Variants in TSC22D1 observed in about 807,000 individuals in gnomAD.
TSC22D1 encodes the protein TSC22 domain family protein 1.
Under a neutral mutation model 74.2 loss-of-function variants are expected in TSC22D1, and 9 were observed. The observed-to-expected ratio is 0.12, with a 90% CI of 0.07 to 0.21. The LOEUF (loss-of-function observed/expected upper bound fraction) is 0.21. Ranked by LOEUF, TSC22D1 falls within the 10% of genes least tolerant of loss-of-function variation. The probability of loss-of-function intolerance (pLI) is 1.00; values close to 1 mark genes in which losing one functional copy is unlikely to be tolerated. For missense variants in TSC22D1, 1,427 were observed against 1,304.7 expected (o/e 1.09, Z -1.44); for synonymous variants, 586 against 492.5 (o/e 1.19, Z -2.51).
At chr13:44,557,238 G>A (rs574610065) in intron 1 of TSC22D1, among the ~76,000 whole-genome samples, 2 of 152,206 alleles carry the variant, frequency 1.3e-5, no homozygotes, top group Admixed American at 6.5e-5. Context: ...CAAGGTGGGC[G>A]GATCACAAGG....
chr13:44,498,382 GA>G (rs1461511869), intron 1 of TSC22D1, among the ~76,000 whole-genome samples: 5 of 152,098 alleles, frequency 3.3e-5, no homozygotes, highest in African/African-American at 1.2e-4. Context: ...TTCTGCCTGG[GA>G]TACTCTTTCC....
At chr13:44,456,185 G>C (rs1233404702) in intron 1 of TSC22D1, among the ~76,000 whole-genome samples, 1 of 152,180 alleles carries the variant, frequency 6.6e-6, no homozygotes, top group Admixed American at 6.5e-5. Context: ...CCCAAAAAGT[G>C]AGCAGCAGCA....
intron 1 of TSC22D1, among the ~76,000 whole-genome samples, chr13:44,490,134 T>C (rs1475201950): frequency 6.6e-6 from 1 of 152,182 alleles, no homozygotes; most frequent in African/African-American, 2.4e-5. Flanking sequence ...CTTGTACAAA[T>C]AGTATATATC....
At chr13:44,572,372 C>A (rs944271120) in intron 1 of TSC22D1, among the ~76,000 whole-genome samples, 5 of 152,130 alleles carry the variant, frequency 3.3e-5, no homozygotes. Flanking sequence ...AAGAAAGGAA[C>A]AGGTGGAGTA....
intron 1 of TSC22D1, among the ~76,000 whole-genome samples, chr13:44,567,485 G>A (rs959361626): frequency 4.6e-5 from 7 of 150,772 alleles, no homozygotes; most frequent in Non-Finnish European, 1.0e-4. Context: ...AAAACCTAGA[G>A]GAAACACCAC....
chr13:44,468,386 A>T lies in TSC22D1; in HGVS notation c.2913-32291T>A, dbSNP rs193072661. Among the ~76,000 whole-genome samples, 286 of 134,694 alleles carry T rather than the reference A, an allele frequency of 2.1e-3. 7 individuals are homozygous for T. The highest frequency in any genetic ancestry group is 5.3e-3 in the African/African-American group (211 of 39,740). 88.4% of individuals were successfully genotyped at this position (134,694 alleles called of 152,430 possible). ...CCTAAAGCTATTGAATTTTTTTTTT[A>T]AAAAAGCTGCTACCATTTATTCAGC... On this transcript the variant is annotated intron_variant, in intron 1 of 2. Transcript: ENST00000458659.
chr13:44,565,385 G>A (rs1037347137), intron 1 of TSC22D1, among the ~76,000 whole-genome samples: 2 of 152,072 alleles, frequency 1.3e-5, no homozygotes, highest in African/African-American at 4.8e-5. Flanking sequence ...AGGTCAACTA[G>A]GCCTAATCGT....
chr13:44,554,327 T>C (rs1882480668), intron 1 of TSC22D1, among the ~76,000 whole-genome samples: 2 of 152,218 alleles, frequency 1.3e-5, no homozygotes, highest in Non-Finnish European at 2.9e-5. Flanking sequence ...CATTAAACTC[T>C]ACCTCATTAT....
intron 1 of TSC22D1, among the ~76,000 whole-genome samples, chr13:44,566,932 G>A (rs1566179604): frequency 6.6e-6 from 1 of 152,120 alleles, no homozygotes; most frequent in Non-Finnish European, 1.5e-5. Flanking sequence ...GATGTGGGGG[G>A]AGAAGGTGCT....
At chr13:44,523,194 T>C (rs1880396645) in intron 1 of TSC22D1, among the ~76,000 whole-genome samples, 1 of 152,198 alleles carries the variant, frequency 6.6e-6, no homozygotes, top group Non-Finnish European at 1.5e-5. Flanking sequence ...TATTCATTGC[T>C]GGTGGAAATG....
chr13:44,464,782 C>T (rs988774401), intron 1 of TSC22D1, among the ~76,000 whole-genome samples: 1 of 152,234 alleles, frequency 6.6e-6, no homozygotes, highest in Non-Finnish European at 1.5e-5. Flanking sequence ...CCCCTACCAG[C>T]TTTGTGCTCC....
At chr13:44,563,276 G>A (rs1399744257) in intron 1 of TSC22D1, among the ~76,000 whole-genome samples, 1 of 152,172 alleles carries the variant, frequency 6.6e-6, no homozygotes, top group African/African-American at 2.4e-5. Context: ...TGAGAGAGAA[G>A]ACAGGAAAGT....
chr13:44,540,945 T>C (rs1016804233), intron 1 of TSC22D1, among the ~76,000 whole-genome samples: 1 of 152,192 alleles, frequency 6.6e-6, no homozygotes, highest in Non-Finnish European at 1.5e-5. Context: ...ATTCTAAATA[T>C]AAAGGTGCTG....
intron 1 of TSC22D1, among the ~76,000 whole-genome samples, chr13:44,451,264 A>G (rs969397263): frequency 7.9e-5 from 12 of 152,202 alleles, no homozygotes. Flanking sequence ...GGACACTGCA[A>G]CAGTCAGCAC....
chr13:44,573,077 T>C lies in TSC22D1; in HGVS notation c.2912+86A>G, dbSNP rs1883882767. The C allele has an allele frequency of 5.4e-6, 8 of 1,491,946 alleles. No homozygotes were observed. The Admixed American group carries it at 1.4e-4, about 27-fold the overall frequency. 92.4% of individuals were successfully genotyped at this position (1,491,946 alleles called of 1,614,324 possible). The stretch of plus-strand genomic sequence containing the variant: ...ATACAAAACACAATATACAATGTTT[T>C]AGAGTCATTTTGTGCATACATATAG... On this transcript the variant is annotated intron_variant, in intron 1 of 2. Coordinates refer to ENST00000458659, the MANE Select transcript of TSC22D1 (RefSeq NM_183422.4).
chr13:44,495,610 A>T (rs1056524916), intron 1 of TSC22D1, among the ~76,000 whole-genome samples: 3 of 152,334 alleles, frequency 2.0e-5, no homozygotes, highest in South Asian at 4.1e-4. Context: ...AAATCTGTTG[A>T]CAGTGACACC....
intron 1 of TSC22D1, among the ~76,000 whole-genome samples, chr13:44,528,611 G>T (rs545386021): frequency 6.6e-6 from 1 of 151,970 alleles, no homozygotes; most frequent in South Asian, 2.1e-4. Context: ...TAGGAAAACT[G>T]AAACAGAAGA....
At chr13:44,451,850 G>A (rs1355953028) in intron 1 of TSC22D1, among the ~76,000 whole-genome samples, 6 of 152,156 alleles carry the variant, frequency 3.9e-5, no homozygotes, top group East Asian at 1.9e-4. Flanking sequence ...CTGCATGCCC[G>A]TATCTATCCC....
intron 1 of TSC22D1, among the ~76,000 whole-genome samples, chr13:44,524,829 T>C (rs559625115): frequency 6.6e-6 from 1 of 152,226 alleles, no homozygotes; most frequent in African/African-American, 2.4e-5. Context: ...TGAGCCACCG[T>C]GCCCAGCTAC....
Sources: allele counts gnomAD v4.1 joint callset (sites outside exome capture counted in the v4.1 genomes callset), GRCh38; gene constraint gnomAD v4.1.1; transcripts MANE v1.5; gene names NCBI Gene and HGNC (gene_info 2026-07-23, HGNC 2026-07-21).